SNTG2: variants seen among roughly 807,000 people sequenced by gnomAD.
SNTG2 encodes the protein syntrophin gamma 2, also known as gamma-2-syntrophin.
Under a neutral mutation model 70.9 loss-of-function variants are expected in SNTG2, and 74 were observed. That is an observed-to-expected ratio of 1.04 (90% CI 0.86 to 1.27). SNTG2 has a LOEUF of 1.27. Among genes scored for constraint, SNTG2 ranks in the 50% most tolerant of loss-of-function variants. The pLI, the probability that SNTG2 is intolerant of heterozygous loss-of-function variation, is 0.00. For missense variants in SNTG2, 717 were observed against 690.7 expected (o/e 1.04, Z -0.43); for synonymous variants, 278 against 273.8 (o/e 1.02, Z -0.15).
intron 9 of SNTG2, among the ~76,000 whole-genome samples, chr2:1,221,340 G>GTCTGTCA: frequency 9.7e-3 from 58 of 5,982 alleles, no homozygotes; most frequent in Non-Finnish European, 0.013. Context: ...TCTCTCTGTT[G>GTCTGTCA]CTGTCTCTGC....
intron 1 of SNTG2, among the ~76,000 whole-genome samples, chr2:971,958 G>A (rs533607508): frequency 3.6e-4 from 55 of 151,960 alleles, no homozygotes; most frequent in African/African-American, 1.3e-3. Flanking sequence ...TCCATGTATA[G>A]TTTTGAGTGA....
At chr2:1,239,822 G>T (rs1237794796) in intron 11 of SNTG2, 46 bp downstream of exon 11, 1 of 1,598,950 alleles carries the variant, frequency 6.3e-7, no homozygotes, top group Non-Finnish European at 8.5e-7. Flanking sequence ...ATCAGGTAGG[G>T]TTTGTATTTT....
At chr2:1,342,349 G>T (rs1660156264) in intron 16 of SNTG2, among the ~76,000 whole-genome samples, 1 of 102,132 alleles carries the variant, frequency 9.8e-6, no homozygotes, top group Non-Finnish European at 1.9e-5. Flanking sequence ...TAGGAAGAGT[G>T]GACTGGCACT....
rs1262912866 is a variant in SNTG2 at position 1,098,253 on chromosome 2, G to A, written c.267+1G>A. 8.7e-6 allele frequency: 14 copies of A among 1,613,898 alleles called. No homozygotes were observed. The highest frequency in any genetic ancestry group is 1.1e-5 in the Non-Finnish European group (13 of 1,179,894). On this transcript the variant is annotated splice_donor_variant, in intron 3 of 16. Coordinates refer to ENST00000308624, the MANE Select transcript of SNTG2 (RefSeq NM_018968.4). LOFTEE classifies it high-confidence loss of function. The stretch of plus-strand genomic sequence containing the variant: ...TGGCGGCTTGGGCCTGAGTATAAAG[G>A]TATGGAAATGGTTTTCTCTATTCCT...
intron 14 of SNTG2, among the ~76,000 whole-genome samples, chr2:1,297,476 C>A (rs2148230475): frequency 6.6e-6 from 1 of 152,182 alleles, no homozygotes; most frequent in African/African-American, 2.4e-5. Context: ...TTGCACAACA[C>A]AGGGGCTGCC....
At position 1,187,601 on chromosome 2, in the gene SNTG2, G is replaced by C. The variant is rs183009228; in HGVS notation, c.591+14418G>C. ...AACACACACACCCCTCATTGGTTCT[G>C]TTTCTCAGAAGAACCCTGACTAATA... On this transcript the variant is annotated intron_variant, in intron 8 of 16. Transcript: ENST00000308624. 2.0e-4 allele frequency among the ~76,000 whole-genome samples: 31 copies of C among 152,222 alleles called. No individual in the cohort carries two copies. The East Asian group carries it at 5.4e-3, about 27-fold the overall frequency.
chr2:1,142,629 C>T (rs1424755182), intron 6 of SNTG2, among the ~76,000 whole-genome samples: 1 of 152,212 alleles, frequency 6.6e-6, no homozygotes, highest in East Asian at 1.9e-4. Flanking sequence ...AACTCAACCA[C>T]ACTTAGTGTG....
At chr2:1,163,454 AG>A (rs1159351955) in intron 6 of SNTG2, 1 of 150,918 alleles carries the variant, frequency 6.6e-6, no homozygotes, top group Non-Finnish European at 1.5e-5. Flanking sequence ...GCCTCCCAAC[AG>A]GAGGTGGGTG....
At chr2:1,208,718 A>G (rs1478065381) in intron 8 of SNTG2, among the ~76,000 whole-genome samples, 2 of 152,094 alleles carry the variant, frequency 1.3e-5, no homozygotes, top group African/African-American at 4.8e-5. Context: ...CAGCCATTCT[A>G]TCGTGTGTCT....
rs373554803 is a variant in SNTG2, at chr2:1,136,289, G to A, written c.326-1333G>A. On this transcript the variant is annotated intron_variant, in intron 4 of 16. Coordinates refer to ENST00000308624, the MANE Select transcript of SNTG2 (RefSeq NM_018968.4). ...GCTAGAGAGGGGAACAACAGCATGC[G>A]AAGAACTGAGAGACAGAGATAGAAA... Among the ~76,000 whole-genome samples, 10 of 151,916 alleles carry A rather than the reference G, an allele frequency of 6.6e-5. No individual in the cohort carries two copies. In the East Asian group the frequency reaches 1.6e-3, roughly 24 times the overall value.
At chr2:1,090,191 CT>C (rs1400671932) in intron 2 of SNTG2, among the ~76,000 whole-genome samples, 1 of 152,112 alleles carries the variant, frequency 6.6e-6, no homozygotes, top group African/African-American at 2.4e-5. Flanking sequence ...TAGTCCATTC[CT>C]TTAAGGACTA....
At chr2:957,785 G>C (rs891073024) in intron 1 of SNTG2, among the ~76,000 whole-genome samples, 2 of 152,162 alleles carry the variant, frequency 1.3e-5, no homozygotes, top group African/African-American at 4.8e-5. Context: ...ACCAGAGCTA[G>C]AGGAGGCAGG....
At chr2:1,142,363 C>T (rs572421398) in intron 6 of SNTG2, among the ~76,000 whole-genome samples, 1 of 152,314 alleles carries the variant, frequency 6.6e-6, no homozygotes, top group Admixed American at 6.5e-5. Flanking sequence ...TCTGCCATCC[C>T]GTCCAGGGTC....
Position 1,192,018 on chromosome 2 carries a change from G to A in SNTG2, c.592-17085G>A, listed in dbSNP as rs533685304. Among the ~76,000 whole-genome samples the A allele has an allele frequency of 2.4e-4, 37 of 152,294 alleles. 1 individual carries two copies. Among genetic ancestry groups the A allele is most frequent in the Admixed American group, 1.2e-3 (19 of 15,296 alleles). On this transcript the variant is annotated intron_variant, in intron 8 of 16. Transcript: ENST00000308624. Reference sequence around the variant, plus strand: ...CAAATTGGAAAGGGGTTGCTTGGCAGAAGACAGTAAATTGTTTCCTTCCCT... The same window carrying A: ...CAAATTGGAAAGGGGTTGCTTGGCAAAAGACAGTAAATTGTTTCCTTCCCT...
intron 6 of SNTG2, among the ~76,000 whole-genome samples, chr2:1,153,351 T>C (rs909064504): frequency 4.6e-5 from 7 of 152,244 alleles, no homozygotes; most frequent in Non-Finnish European, 7.3e-5. Context: ...GCTGGTATGC[T>C]GCACCCATTA....
chr2:1,098,300 T>C, intron 3 of SNTG2, 48 bp downstream of exon 3: 1 of 1,613,794 alleles, frequency 6.2e-7, no homozygotes, highest in Non-Finnish European at 8.5e-7. Context: ...TTGAAGAACT[T>C]TCCAGTGTGA....
rs1468284864 is a variant in SNTG2, at chr2:1,097,604, A to AT, written c.211-586dup. Among the ~76,000 whole-genome samples the AT allele has an allele frequency of 1.3e-5, 2 of 151,956 alleles. No individual in the cohort carries two copies. Among genetic ancestry groups the AT allele is most frequent in the African/African-American group, 4.8e-5 (2 of 41,350 alleles). ...GGCTTAATGCGCAAGAGATTTGGAG[A>AT]TTTTTTACCATTTCACTAGCCAGTT... is the stretch of plus-strand genomic sequence containing the variant. On this transcript the variant is annotated intron_variant, in intron 2 of 16. Coordinates refer to ENST00000308624, the MANE Select transcript of SNTG2 (RefSeq NM_018968.4). This position sits in a 1 kb window ranked among gnomAD's most constrained non-coding sequence, Gnocchi z 4.1.
chr2:1,173,730 C>T (rs1016045952), intron 8 of SNTG2, among the ~76,000 whole-genome samples: 2 of 152,192 alleles, frequency 1.3e-5, no homozygotes, highest in African/African-American at 4.8e-5. Flanking sequence ...GCATGGGGCT[C>T]ACACTCTCCT....
chr2:1,338,346 G>T (rs775669802), intron 16 of SNTG2, among the ~76,000 whole-genome samples: 2 of 151,956 alleles, frequency 1.3e-5, no homozygotes, highest in African/African-American at 4.8e-5. Context: ...TCCATTTGTT[G>T]GTGTCTTCAT....
Sources: allele counts gnomAD v4.1 joint callset (sites outside exome capture counted in the v4.1 genomes callset), GRCh38; gene constraint gnomAD v4.1.1; non-coding constraint Gnocchi (gnomAD v3.1); transcripts MANE v1.5; gene names NCBI Gene and HGNC (gene_info 2026-07-23, HGNC 2026-07-21).